The following TSPAN16 variants were observed in gnomAD, a reference collection of about 807,000 sequenced individuals.
TSPAN16 encodes the protein tetraspanin 16.
A neutral mutation model predicts 25.2 loss-of-function variants in TSPAN16; 23 were observed. The ratio of observed to expected loss-of-function variants is 0.91; its 90% CI spans 0.66 to 1.29. The LOEUF (loss-of-function observed/expected upper bound fraction) is 1.29, where lower values mean the gene tolerates loss of function less well. Among genes scored for constraint, TSPAN16 ranks in the 50% most tolerant of loss-of-function variants. TSPAN16 has a pLI of 0.00. For missense variants in TSPAN16, 272 were observed against 299.9 expected, an observed-to-expected ratio of 0.91 and a Z score of 0.69; for synonymous variants, 123 against 124.4, an observed-to-expected ratio of 0.99 and a Z score of 0.08.
Position 11,311,002 on chromosome 19 carries a change from A to G in TSPAN16, c.604-1137A>G, listed in dbSNP as rs1410021164. Among the ~76,000 whole-genome samples the G allele has an allele frequency of 1.3e-5, 2 of 151,946 alleles. 1 individual carries two copies. The highest frequency in any genetic ancestry group is 1.3e-4 in the Admixed American group (2 of 15,230). On this transcript the variant is annotated intron_variant, in intron 5 of 6. Coordinates refer to ENST00000590327, the MANE Select transcript of TSPAN16 (RefSeq NM_001282509.2). ...ACAGGCACATACCACCACACTGGCT[A>G]ATTTTTTTATTTTTTGTAGAGACGG... is the stretch of plus-strand genomic sequence containing the variant.
chr19:11,304,473 G>T (rs1418925704), intron 4 of TSPAN16, among the ~76,000 whole-genome samples: 1 of 151,546 alleles, frequency 6.6e-6, no homozygotes, highest in Non-Finnish European at 1.5e-5. Context: ...CTCCCGAGTA[G>T]CTGGGACTAC....
intron 3 of TSPAN16, among the ~76,000 whole-genome samples, chr19:11,300,084 T>C (rs1301197244): frequency 6.6e-6 from 1 of 151,158 alleles, no homozygotes; most frequent in Non-Finnish European, 1.5e-5. Flanking sequence ...ATCGACACAG[T>C]GGAATCCTGT....
chr19:11,313,750 A>G (rs2080718041), intron 6 of TSPAN16, among the ~76,000 whole-genome samples: 1 of 152,138 alleles, frequency 6.6e-6, no homozygotes, highest in Non-Finnish European at 1.5e-5. Flanking sequence ...GGATGTGGAG[A>G]TATTTGAATC....
intron 4 of TSPAN16, among the ~76,000 whole-genome samples, chr19:11,304,325 G>C (rs2080601972): frequency 6.6e-6 from 1 of 151,272 alleles, no homozygotes. Flanking sequence ...GCTTTGAAAG[G>C]AACATGTGAT....
chr19:11,325,281 G>A lies in TSPAN16; in HGVS notation c.688-1513G>A, dbSNP rs1165981992. On this transcript the variant is annotated intron_variant, in intron 6 of 6. Coordinates refer to the TSPAN16 transcript ENST00000316737. ...GAATGAGCCATGCAGGAGTCGGGGA[G>A]CAGTTGACAGGAGGGAAGGGATTGC... 1.8e-5 allele frequency: 12 copies of A among 672,348 alleles called. No homozygotes were observed. The East Asian group carries it at 3.3e-4, about 19-fold the overall frequency. 41.6% of individuals were successfully genotyped at this position (672,348 alleles called of 1,614,324 possible).
intron 5 of TSPAN16, among the ~76,000 whole-genome samples, chr19:11,309,458 A>G (rs1007113746): frequency 1.1e-4 from 17 of 152,166 alleles, no homozygotes; most frequent in Admixed American, 9.8e-4. Flanking sequence ...ACTGCTCAGA[A>G]ACACCAGGCA....
downstream of TSPAN16, among the ~76,000 whole-genome samples, chr19:11,317,956 G>A (rs2080757443): frequency 6.6e-6 from 1 of 152,020 alleles, no homozygotes; most frequent in Non-Finnish European, 1.5e-5. Flanking sequence ...ACCAGCCCTG[G>A]CTGTAGATTA....
chr19:11,305,303 G>T (rs1259665994), intron 4 of TSPAN16, among the ~76,000 whole-genome samples: 1 of 152,082 alleles, frequency 6.6e-6, no homozygotes, highest in Admixed American at 6.6e-5. Flanking sequence ...GCTGAGGCAG[G>T]TGGATCACCT....
At chr19:11,320,949 T>TCC (rs1471203014), downstream of TSPAN16, among the ~76,000 whole-genome samples, 1 of 151,924 alleles carries the variant, frequency 6.6e-6, no homozygotes, top group East Asian at 1.9e-4. Flanking sequence ...GGTGGGCAGA[T>TCC]CATGAGGTCA....
intron 4 of TSPAN16, among the ~76,000 whole-genome samples, chr19:11,305,709 T>TA (rs2080618946): frequency 6.6e-6 from 1 of 151,330 alleles, no homozygotes; most frequent in Non-Finnish European, 1.5e-5. Flanking sequence ...CTACAATAGA[T>TA]AAAAAATGTA....
chr19:11,301,451 C>A lies in TSPAN16; in HGVS notation c.450+143C>A, dbSNP rs908151741. 13 of 574,198 alleles carry A rather than the reference C, an allele frequency of 2.3e-5. No individual in the cohort carries two copies. In the African/African-American group the frequency reaches 2.3e-4, roughly 10 times the overall value. 35.6% of individuals were successfully genotyped at this position (574,198 alleles called of 1,614,324 possible). On this transcript the variant is annotated intron_variant, in intron 4 of 6. Transcript: ENST00000590327. ...GGTCAGGAGTTTGAGACCAGCTGAG[C>A]CAACATGGTGAAACCCCGTCTCTAC...
chr19:11,315,505 C>T (rs1334068454), intron 6 of TSPAN16, among the ~76,000 whole-genome samples: 3 of 150,166 alleles, frequency 2.0e-5, no homozygotes, highest in Admixed American at 2.0e-4. Flanking sequence ...TGTAGTGAGC[C>T]AAGATCCGCC....
At chr19:11,315,433 T>TA (rs935635704) in intron 6 of TSPAN16, among the ~76,000 whole-genome samples, 1 of 150,688 alleles carries the variant, frequency 6.6e-6, no homozygotes, top group African/African-American at 2.4e-5. Context: ...GGCGGCCGCC[T>TA]GTAGTCCCAG....
Position 11,312,233 on chromosome 19 carries a change from G to A in TSPAN16, c.687+11G>A, listed in dbSNP as rs750151278. ...GCTGCAGTGATACAGGTAAGACCCAGCCTCTCTAGGGTCTTTGAGCTGTTT... is the reference window on the plus strand; with the variant it reads ...GCTGCAGTGATACAGGTAAGACCCAACCTCTCTAGGGTCTTTGAGCTGTTT... On this transcript the variant is annotated intron_variant, in intron 6 of 6. Coordinates refer to ENST00000590327, the MANE Select transcript of TSPAN16 (RefSeq NM_001282509.2). 12 of 1,598,942 alleles carry A rather than the reference G, an allele frequency of 7.5e-6. No homozygotes were observed. The highest frequency in any genetic ancestry group is 2.2e-5 in the East Asian group (1 of 44,706).
rs925274283 is a variant in TSPAN16, at chr19:11,303,591, A to C, written c.450+2283A>C. Reference sequence around the variant, plus strand: ...AATAAATAAATTAAAAAAAAAAAAAAAAAAAACTCCTGGCCTCAAGCGATC... The same window carrying C: ...AATAAATAAATTAAAAAAAAAAAAACAAAAAACTCCTGGCCTCAAGCGATC... On this transcript the variant is annotated intron_variant, in intron 4 of 6. Transcript: ENST00000590327. Among the ~76,000 whole-genome samples the C allele has an allele frequency of 5.8e-4, 86 of 148,040 alleles. 1 individual carries two copies. Among genetic ancestry groups the C allele is most frequent in the Admixed American group, 2.7e-4 (4 of 14,938 alleles).
chr19:11,325,975 C>CT (rs1410845138), intron 6 of TSPAN16, among the ~76,000 whole-genome samples: 1 of 152,056 alleles, frequency 6.6e-6, no homozygotes, highest in Non-Finnish European at 1.5e-5. Context: ...AATCCCAGCA[C>CT]TTTGGGAGGC....
At chr19:11,316,243 C>T (rs941842480), downstream of TSPAN16, among the ~76,000 whole-genome samples, 2 of 151,808 alleles carry the variant, frequency 1.3e-5, no homozygotes, top group African/African-American at 2.4e-5. Flanking sequence ...CTCAGTCTCC[C>T]GAGTAGCTGG....
rs967918577 is a variant in TSPAN16, at chr19:11,310,039, A to G, written c.604-2100A>G. 5.3e-5 allele frequency among the ~76,000 whole-genome samples: 8 copies of G among 151,904 alleles called. 1 individual carries two copies. The highest frequency in any genetic ancestry group is 3.9e-4 in the Admixed American group (6 of 15,210). ...AGGATTGCTTGAACCCAGGAGTTCA[A>G]GGCTGCAGTGAGCTATGGTCATGCC... On this transcript the variant is annotated intron_variant, in intron 5 of 6. Transcript: ENST00000590327.
In TSPAN16 at chr19:11,315,790, GTTGCCAGGAATTC is replaced by G. The variant is rs2080743586; in HGVS notation, c.694_706del (p.Gly232LeufsTer17). On this transcript the variant is annotated frameshift_variant and splice_region_variant, in exon 7 of 7. Transcript: ENST00000590327. LOFTEE classifies it high-confidence loss of function. ...CATGTTTCTTTCTTCACGCATTTCA[GTTGCCAGGAATTC>G]TTGCCACTTTGCTGCTGTTTATCAA... is the stretch of plus-strand genomic sequence containing the variant. 1 of 1,231,736 alleles carries G rather than the reference GTTGCCAGGAATTC, an allele frequency of 8.1e-7. No individual in the cohort carries two copies. Among genetic ancestry groups the G allele is most frequent in the Non-Finnish European group, 1.0e-6 (1 of 987,832 alleles). 76.3% of individuals were successfully genotyped at this position (1,231,736 alleles called of 1,614,324 possible).
Sources: gnomAD v4.1 joint callset for allele counts (sites outside exome capture counted in the v4.1 genomes callset) on GRCh38, gnomAD v4.1.1 for gene constraint, MANE v1.5 for transcripts, NCBI Gene and HGNC (gene_info 2026-07-23, HGNC 2026-07-21) for gene names.